RRBP1: variants seen among roughly 807,000 people sequenced by gnomAD.
RRBP1 encodes ribosome binding protein 1.
Under a neutral mutation model 165.2 loss-of-function variants are expected in RRBP1, and 94 were observed. The ratio of observed to expected loss-of-function variants is 0.57; its 90% CI spans 0.48 to 0.68. The LOEUF is 0.68. Ranked by LOEUF, RRBP1 falls within the 30% of genes least tolerant of loss-of-function variation. RRBP1 has a pLI of 0.00. For missense variants in RRBP1, 1,676 were observed against 1,763.0 expected (o/e 0.95, Z 0.88); for synonymous variants, 680 against 714.5 (o/e 0.95, Z 0.77).
At chr20:17,614,319 C>T in intron 24 of RRBP1, 99 bp from the exon 25 acceptor site, 1 of 1,118,206 alleles carries the variant, frequency 8.9e-7, no homozygotes, top group East Asian at 2.4e-5. Flanking sequence ...CCTGGATTGA[C>T]CCCCTCAAGC....
At position 17,635,570 on chromosome 20, in the gene RRBP1, T is replaced by C; in HGVS notation, c.2432A>G (p.Gln811Arg). 6.2e-7 allele frequency: 1 copy of C among 1,612,088 alleles called. No homozygotes were observed. Among genetic ancestry groups the C allele is most frequent in the Non-Finnish European group, 8.5e-7 (1 of 1,179,422 alleles). The change falls in exon 7 of 25, where the codon CAG (glutamine) becomes CGG (arginine). Residue 811 changes from glutamine (Q) to arginine (R), a missense_variant. Gln to Arg is a conservative substitution (Grantham distance 43, BLOSUM62 1). Transcript: ENST00000377813. ...ENSILRDALNQATSQVESKQN... is the reference protein window; with the variant it reads ...ENSILRDALNRATSQVESKQN... ...CTTGCTCTCCACCTGGCTCGTGGCCTGGTTCAAGGCATCCCGCAGGATGGA... is the reference window on the plus strand; with the variant it reads ...CTTGCTCTCCACCTGGCTCGTGGCCCGGTTCAAGGCATCCCGCAGGATGGA...
At chr20:17,662,994 A>G (rs956847347) in intron 2 of RRBP1, among the ~76,000 whole-genome samples, 2 of 152,124 alleles carry the variant, frequency 1.3e-5, no homozygotes, top group African/African-American at 4.8e-5. Flanking sequence ...CAGGCAACAT[A>G]GTGAGACCCC....
chr20:17,655,942 A>C (rs1478649608), intron 3 of RRBP1, among the ~76,000 whole-genome samples: 1 of 152,224 alleles, frequency 6.6e-6, no homozygotes, highest in African/African-American at 2.4e-5. Context: ...GGAACTGCTT[A>C]GAAATGCAGA....
intron 3 of RRBP1, among the ~76,000 whole-genome samples, chr20:17,650,929 G>A (rs1262824125): frequency 6.6e-6 from 1 of 152,190 alleles, no homozygotes; most frequent in African/African-American, 2.4e-5. Context: ...ATACACACAC[G>A]TCTTGTGTTA....
intron 8 of RRBP1, among the ~76,000 whole-genome samples, chr20:17,633,230 G>A (rs1201146826): frequency 2.0e-5 from 3 of 152,200 alleles, no homozygotes; most frequent in African/African-American, 7.2e-5. Flanking sequence ...AAAATGCTCA[G>A]AACAGTGCTT....
rs528594489 is a variant in RRBP1, at chr20:17,642,209, GCCA to G, written c.2062-293_2062-291del. 1.5e-3 allele frequency among the ~76,000 whole-genome samples: 232 copies of G among 152,366 alleles called. 1 individual carries two copies. The highest frequency in any genetic ancestry group is 5.3e-3 in the African/African-American group (219 of 41,590). Reference sequence around the variant, plus strand: ...TGCCAGCTCCTCTGAGGGGCAGCTGGCCACCATTTCTGGCCTGGAGCCTACCCG... The same window carrying G: ...TGCCAGCTCCTCTGAGGGGCAGCTGGCCATTTCTGGCCTGGAGCCTACCCG... On this transcript the variant is annotated intron_variant, in intron 4 of 24. Transcript: ENST00000377813.
Position 17,615,362 on chromosome 20 carries a change from G to A in RRBP1, c.4050+69C>T, listed in dbSNP as rs898383865. On this transcript the variant is annotated intron_variant, in intron 23 of 24. Transcript: ENST00000377813. ...GCTCTCCCCTTCCTGGCCCCTTTCC[G>A]AGGCCAAGAGTGGCGCCAGCCCCAG... is the stretch of plus-strand genomic sequence containing the variant. 50 of 1,300,702 alleles carry A rather than the reference G, an allele frequency of 3.8e-5. No homozygotes were observed. In the African/African-American group the frequency reaches 4.2e-4, roughly 11 times the overall value. The allele number at this position is 1,300,702 out of a possible 1,614,324, so 80.6% of individuals were successfully genotyped here.
intron 13 of RRBP1, among the ~76,000 whole-genome samples, chr20:17,624,214 G>A (rs1364377973): frequency 1.3e-5 from 2 of 152,208 alleles, no homozygotes; most frequent in African/African-American, 4.8e-5. Context: ...GGAGGGGGAG[G>A]TGGATGTAGA....
At position 17,615,906 on chromosome 20, in the gene RRBP1, G is replaced by A. The variant is rs1304268673; in HGVS notation, c.3951+20C>T. 1 of 1,602,982 alleles carries A rather than the reference G, an allele frequency of 6.2e-7. No homozygotes were observed. The highest frequency in any genetic ancestry group is 1.3e-5 in the African/African-American group (1 of 74,916). On this transcript the variant is annotated intron_variant, in intron 22 of 24. Coordinates refer to ENST00000377813, the MANE Select transcript of RRBP1 (RefSeq NM_001365613.2). ...GCCCAGGGGCTGATGGGGGCTGAGA[G>A]CCACCAGGCAGGGCCTGACCTCCTC...
intron 6 of RRBP1, among the ~76,000 whole-genome samples, chr20:17,635,915 G>T (rs1286043024): frequency 6.6e-6 from 1 of 152,180 alleles, no homozygotes; most frequent in East Asian, 1.9e-4. Flanking sequence ...GCCCAAGGCT[G>T]AACACTCAGC....
intron 2 of RRBP1, among the ~76,000 whole-genome samples, chr20:17,667,802 C>T (rs1226949710): frequency 6.6e-6 from 1 of 152,190 alleles, no homozygotes; most frequent in Non-Finnish European, 1.5e-5. Context: ...CAAAGTACAT[C>T]CTTGAGTAGT....
intron 2 of RRBP1, among the ~76,000 whole-genome samples, chr20:17,664,346 GTTTC>G (rs1167037186): frequency 6.6e-6 from 1 of 152,228 alleles, no homozygotes; most frequent in Non-Finnish European, 1.5e-5. Flanking sequence ...CTCAGGAAGA[GTTTC>G]TTTCTGAAAT....
intron 13 of RRBP1, chr20:17,622,780 C>T (rs1231686903): frequency 6.6e-6 from 1 of 152,292 alleles, no homozygotes; most frequent in Non-Finnish European, 1.5e-5. Context: ...GGGTAACAGC[C>T]TGTGTCTGGC....
At chr20:17,656,177 A>G (rs2036642163) in intron 3 of RRBP1, among the ~76,000 whole-genome samples, 1 of 152,246 alleles carries the variant, frequency 6.6e-6, no homozygotes, top group Non-Finnish European at 1.5e-5. Flanking sequence ...GAAAATAGAA[A>G]GTCCAAGAAA....
rs747325197 is a variant in RRBP1 at position 17,633,644 on chromosome 20, A to G, written c.2457-31T>C. 1.9e-6 allele frequency: 3 copies of G among 1,610,610 alleles called. No individual in the cohort carries two copies. The East Asian group carries it at 6.7e-5, about 36-fold the overall frequency. ...AGACAGTCACCAGCCCGACTAATGG[A>G]AAGAAAAGGGTGATGGGATCGGTGG... On this transcript the variant is annotated intron_variant, in intron 7 of 24. Coordinates refer to ENST00000377813, the MANE Select transcript of RRBP1 (RefSeq NM_001365613.2).
chr20:17,677,950 C>T (rs2037113315), intron 2 of RRBP1, among the ~76,000 whole-genome samples: 1 of 152,256 alleles, frequency 6.6e-6, no homozygotes, highest in Non-Finnish European at 1.5e-5. Flanking sequence ...AACACTGGAA[C>T]TCCAATACTT....
intron 10 of RRBP1, 51 bp from the exon 11 acceptor site, chr20:17,627,433 A>G (rs763913468): frequency 1.2e-6 from 2 of 1,612,142 alleles, no homozygotes; most frequent in Admixed American, 1.7e-5. Flanking sequence ...CATCTCACGC[A>G]GCGGGGCTAG....
At position 17,658,800 on chromosome 20, in the gene RRBP1, CTT is replaced by C; in HGVS notation, c.1706_1707del (p.Lys569SerfsTer7). ...KVEGITNQGK[K>X]AEGSPSEGKK... ...TTGCCTTCACTGGGGGACCCTTCTG[CTT>C]TTTTCCCCTGGTTTGTAATACCCTC... On this transcript the variant is annotated frameshift_variant, in exon 3 of 25. Coordinates refer to ENST00000377813, the MANE Select transcript of RRBP1 (RefSeq NM_001365613.2). LOFTEE classifies it high-confidence loss of function. 6.2e-7 allele frequency: 1 copy of C among 1,614,014 alleles called. No homozygotes were observed. Among genetic ancestry groups the C allele is most frequent in the Non-Finnish European group, 8.5e-7 (1 of 1,179,918 alleles).
chr20:17,670,708 T>C (rs2122494281), intron 2 of RRBP1, among the ~76,000 whole-genome samples: 1 of 152,228 alleles, frequency 6.6e-6, no homozygotes, highest in Non-Finnish European at 1.5e-5. Flanking sequence ...CCTTGAGAAG[T>C]TCCTTTAGCA....
Sources: gnomAD v4.1 joint callset for allele counts (sites outside exome capture counted in the v4.1 genomes callset) on GRCh38, gnomAD v4.1.1 for gene constraint, MANE v1.5 for transcripts, NCBI Gene and HGNC (gene_info 2026-07-23, HGNC 2026-07-21) for gene names.